Variants in PPME1 observed in about 807,000 individuals in gnomAD.
The protein encoded by PPME1 is protein phosphatase methylesterase 1.
Under a neutral mutation model 56.9 loss-of-function variants are expected in PPME1, and 17 were observed. The ratio of observed to expected loss-of-function variants is 0.30; its 90% confidence interval spans 0.20 to 0.45. PPME1 has a LOEUF of 0.45. PPME1 is among the 20% of genes least tolerant of loss of function. PPME1 has a pLI of 1.00. For synonymous variants in PPME1, 122 were observed against 156.2 expected, an observed-to-expected ratio of 0.78 and a Z score of 1.63; for missense variants, 357 against 483.2, an observed-to-expected ratio of 0.74 and a Z score of 2.45.
rs544329635 is a variant in PPME1, at chr11:74,234,046, C to T, written c.645-1855C>T. Among the ~76,000 whole-genome samples the T allele has an allele frequency of 1.6e-4, 24 of 152,114 alleles. No homozygotes were observed. In the South Asian group the frequency reaches 2.7e-3, roughly 17 times the overall value. ...AGAGAGTCATTTTTTAATGTATTTT[C>T]GAGGTAGAACTGACAGGACTGGTTT... On this transcript the variant is annotated intron_variant, in intron 7 of 13. Transcript: ENST00000328257.
chr11:74,180,602 C>T (rs997152407), intron 1 of PPME1, among the ~76,000 whole-genome samples: 3 of 152,080 alleles, frequency 2.0e-5, no homozygotes, highest in Admixed American at 1.3e-4. Flanking sequence ...ATTATATGGT[C>T]GAAACTCTTG....
chr11:74,239,318 T>C, intron 9 of PPME1, 62 bp downstream of exon 9: 1 of 1,568,266 alleles, frequency 6.4e-7, no homozygotes, highest in Non-Finnish European at 8.6e-7. Flanking sequence ...TGTGTGTGGG[T>C]GGGAAGGGGT....
At chr11:74,232,046 ATTC>A (rs962062617) in intron 7 of PPME1, among the ~76,000 whole-genome samples, 1 of 152,170 alleles carries the variant, frequency 6.6e-6, no homozygotes, top group African/African-American at 2.4e-5. Flanking sequence ...CTTCCTTCCT[ATTC>A]TTCTAACTCC....
At chr11:74,181,030 C>CTTTTTTTTT (rs1005872237) in intron 1 of PPME1, among the ~76,000 whole-genome samples, 3 of 96,146 alleles carry the variant, frequency 3.1e-5, no homozygotes, top group African/African-American at 4.3e-5. Flanking sequence ...ATTTTCTTCA[C>CTTTTTTTTT]TTTTTTTTTT....
intron 5 of PPME1, among the ~76,000 whole-genome samples, chr11:74,226,843 A>T (rs1187980041): frequency 6.6e-6 from 1 of 152,182 alleles, no homozygotes; most frequent in Non-Finnish European, 1.5e-5. Context: ...GGAATGAGCG[A>T]TTGGTAGTAA....
chr11:74,182,810 G>T (rs973797032), intron 1 of PPME1, among the ~76,000 whole-genome samples: 9 of 152,132 alleles, frequency 5.9e-5, no homozygotes, highest in Non-Finnish European at 8.8e-5. Context: ...CTTGTGAGGA[G>T]GCGTGGGTGT....
At chr11:74,251,466 T>C (rs565099389) in intron 12 of PPME1, 182 bp from the exon 13 acceptor site, 1 of 1,428,146 alleles carries the variant, frequency 7.0e-7, no homozygotes, top group Non-Finnish European at 9.1e-7. Flanking sequence ...CTGGCAAGGA[T>C]AGTGGGGAGG....
At chr11:74,204,097 A>T (rs1486355159) in intron 2 of PPME1, among the ~76,000 whole-genome samples, 1 of 151,784 alleles carries the variant, frequency 6.6e-6, no homozygotes, top group Non-Finnish European at 1.5e-5. Context: ...GAGTTGAACT[A>T]GTTTCATTTC....
intron 4 of PPME1, 150 bp downstream of exon 4, chr11:74,222,519 C>G: frequency 1.4e-6 from 1 of 720,312 alleles, no homozygotes; most frequent in Non-Finnish European, 2.3e-6. Context: ...GATGGAGTCT[C>G]ATTCTGTCGC....
At chr11:74,214,665 T>C (rs78534118) in intron 3 of PPME1, among the ~76,000 whole-genome samples, 15,651 of 150,150 alleles carry the variant, frequency 0.1, 2,114 homozygotes, top group African/African-American at 0.32. Context: ...GAGAGTGGCA[T>C]AACATATTTA....
intron 1 of PPME1, among the ~76,000 whole-genome samples, chr11:74,180,184 TTTG>T (rs2135592929): frequency 6.6e-6 from 1 of 152,306 alleles, no homozygotes; most frequent in Admixed American, 6.5e-5. Flanking sequence ...ATCATATAAT[TTTG>T]TTGGTTTTGG....
chr11:74,176,657 G>T (rs1159438544), intron 1 of PPME1, among the ~76,000 whole-genome samples: 1 of 150,704 alleles, frequency 6.6e-6, no homozygotes, highest in Non-Finnish European at 1.5e-5. Context: ...TCACAGAAAG[G>T]CTTTTCCTTT....
chr11:74,184,260 C>G (rs1439526989), intron 1 of PPME1, among the ~76,000 whole-genome samples: 1 of 152,076 alleles, frequency 6.6e-6, no homozygotes, highest in Admixed American at 6.5e-5. Context: ...TATATAAAAA[C>G]CACTTTTAAT....
intron 1 of PPME1, among the ~76,000 whole-genome samples, chr11:74,181,895 CTG>C (rs1857549756): frequency 6.6e-6 from 1 of 152,242 alleles, no homozygotes; most frequent in South Asian, 2.1e-4. Flanking sequence ...CTGAATGTGT[CTG>C]TGTTCTAACA....
At chr11:74,216,980 A>G (rs1184431178) in intron 3 of PPME1, among the ~76,000 whole-genome samples, 1 of 152,210 alleles carries the variant, frequency 6.6e-6, no homozygotes, top group African/African-American at 2.4e-5. Context: ...CTGTAATAAA[A>G]GTCTCCCAGT....
intron 5 of PPME1, among the ~76,000 whole-genome samples, chr11:74,225,565 G>A (rs901380814): frequency 5.3e-5 from 8 of 152,078 alleles, no homozygotes; most frequent in Admixed American, 1.3e-4. Flanking sequence ...TTGAATCTGG[G>A]TACTTATCAT....
Position 74,216,946 on chromosome 11 carries a change from C to G in PPME1, c.289-5366C>G, listed in dbSNP as rs1000448930. On this transcript the variant is annotated intron_variant, in intron 3 of 13. Transcript: ENST00000328257. ...GAAGAAATCCAAAACCTGAACAGAC[C>G]AATAACAAGTAATGAAATCCAAGCT... 3.3e-5 allele frequency among the ~76,000 whole-genome samples: 5 copies of G among 152,118 alleles called. No homozygotes were observed. In the East Asian group the frequency reaches 9.6e-4, roughly 29 times the overall value.
At chr11:74,172,363 T>G (rs1857277987) in intron 1 of PPME1, among the ~76,000 whole-genome samples, 1 of 152,062 alleles carries the variant, frequency 6.6e-6, no homozygotes, top group South Asian at 2.1e-4. Context: ...GATTGAGAGA[T>G]GACTATAAAT....
chr11:74,213,729 C>G (rs1035310114), intron 3 of PPME1, among the ~76,000 whole-genome samples: 19 of 152,248 alleles, frequency 1.2e-4, no homozygotes, highest in African/African-American at 4.1e-4. Context: ...TCCAACACCA[C>G]CAAAATAGTA....
Sources: allele counts gnomAD v4.1 joint callset (sites outside exome capture counted in the v4.1 genomes callset), GRCh38; gene constraint gnomAD v4.1.1; transcripts MANE v1.5; gene names NCBI Gene and HGNC (gene_info 2026-07-23, HGNC 2026-07-21).